PSORS1C1: variants seen among roughly 807,000 people sequenced by gnomAD.
PSORS1C1 encodes the protein psoriasis susceptibility 1 candidate 1, also known as psoriasis susceptibility 1 candidate gene 1 protein.
Under a neutral mutation model 9.4 loss-of-function variants are expected in PSORS1C1, and 7 were observed. The ratio of observed to expected loss-of-function variants is 0.75; its 90% CI spans 0.42 to 1.40. The LOEUF (loss-of-function observed/expected upper bound fraction) is 1.40, where lower values mean the gene tolerates loss of function less well. Among genes scored for constraint, PSORS1C1 ranks in the 40% most tolerant of loss-of-function variants. The probability of loss-of-function intolerance (pLI) is 0.01; values close to 1 mark genes in which losing one functional copy is unlikely to be tolerated. For missense variants in PSORS1C1, 146 were observed against 178.1 expected (o/e 0.82, Z 1.02); for synonymous variants, 63 against 69.4 (o/e 0.91, Z 0.46).
At chr6:31,133,009 G>A (rs1002242677) in intron 3 of PSORS1C1, among the ~76,000 whole-genome samples, 1 of 151,794 alleles carries the variant, frequency 6.6e-6, no homozygotes, top group African/African-American at 2.4e-5. Flanking sequence ...CGGGCTGGGG[G>A]AGTGGGAGGG....
At chr6:31,116,205 G>T (rs2150955907) in intron 1 of PSORS1C1, 1 of 1,613,738 alleles carries the variant, frequency 6.2e-7, no homozygotes, top group Non-Finnish European at 8.5e-7. Context: ...AGCCATCGGG[G>T]CCCCCAGTCA....
intron 3 of PSORS1C1, among the ~76,000 whole-genome samples, chr6:31,134,451 G>A (rs540026601): frequency 4.4e-4 from 67 of 151,172 alleles, no homozygotes; most frequent in African/African-American, 1.6e-3. Flanking sequence ...TACAGGCGCC[G>A]GCCACCATGC....
chr6:31,140,055 G>T lies in PSORS1C1; in HGVS notation c.*123G>T. The T allele has an allele frequency of 1.1e-6, 1 of 887,956 alleles. No homozygotes were observed. 55.0% of individuals were successfully genotyped at this position (887,956 alleles called of 1,614,324 possible). A position where few individuals can be genotyped will look rare whatever the true frequency, so the allele number is the denominator to read the frequency against. On this transcript the variant is annotated 3_prime_UTR_variant, in exon 6 of 6. Coordinates refer to ENST00000259881, the MANE Select transcript of PSORS1C1 (RefSeq NM_014068.3). The surrounding 1 kb of genome is among the most constrained non-coding windows in gnomAD (Gnocchi z 4.6). ...TTCCTCCCAGGTTGTTCCCTGCCTG[G>T]TCCGCTACCCCACAGTAAGGAACAC...
intron 3 of PSORS1C1, among the ~76,000 whole-genome samples, 170 bp downstream of exon 3, chr6:31,129,815 T>C (rs1772828959): frequency 6.6e-6 from 1 of 152,224 alleles, no homozygotes; most frequent in Non-Finnish European, 1.5e-5. Flanking sequence ...AATAAAGGCA[T>C]GGAAACCCAC....
At chr6:31,134,858 CCA>C (rs1447217330) in intron 3 of PSORS1C1, among the ~76,000 whole-genome samples, 1 of 151,926 alleles carries the variant, frequency 6.6e-6, no homozygotes, top group African/African-American at 2.4e-5. Context: ...ACTCTGTTGC[CCA>C]GACTGGAGTG....
chr6:31,134,546 T>C (rs919974127), intron 3 of PSORS1C1, among the ~76,000 whole-genome samples: 35 of 151,662 alleles, frequency 2.3e-4, no homozygotes, highest in Non-Finnish European at 4.4e-4. Flanking sequence ...ACCTCGTGAT[T>C]CGCCCGCCTT....
intron 3 of PSORS1C1, chr6:31,137,973 G>T (rs1405547167): frequency 1.3e-6 from 2 of 1,499,998 alleles, no homozygotes. Context: ...TTCCCGGGGT[G>T]GGTCTAGGTC....
intron 1 of PSORS1C1, chr6:31,118,925 C>G (rs1413181951): frequency 6.9e-6 from 1 of 145,036 alleles, no homozygotes; most frequent in Non-Finnish European, 1.5e-5. Context: ...TCACTGTAAC[C>G]TCTGCCTCCT....
chr6:31,123,659 C>A (rs1196771094), intron 1 of PSORS1C1, among the ~76,000 whole-genome samples: 1 of 152,228 alleles, frequency 6.6e-6, no homozygotes, highest in Non-Finnish European at 1.5e-5. Flanking sequence ...GTGGGGCTCC[C>A]AGCCATGTAT....
intron 3 of PSORS1C1, among the ~76,000 whole-genome samples, chr6:31,130,096 A>AT (rs1254796616): frequency 1.3e-5 from 2 of 151,706 alleles, no homozygotes; most frequent in Non-Finnish European, 2.9e-5. Flanking sequence ...TGTCTCAAAA[A>AT]ATAAAAAATT....
chr6:31,128,069 G>A lies in PSORS1C1; in HGVS notation c.-64-1500G>A, dbSNP rs1410053174. 6.6e-6 allele frequency among the ~76,000 whole-genome samples: 1 copy of A among 152,158 alleles called. No individual in the cohort carries two copies. The highest frequency in any genetic ancestry group is 1.5e-5 in the Non-Finnish European group (1 of 68,032). Reference sequence around the variant, plus strand: ...GGGAGAGAATGTGTAAATGATGATCGTGAGGTCCACTTGGACAGGCAGCCT... The same window carrying A: ...GGGAGAGAATGTGTAAATGATGATCATGAGGTCCACTTGGACAGGCAGCCT... On this transcript the variant is annotated intron_variant, in intron 2 of 5. Transcript: ENST00000259881. This position sits in a 1 kb window ranked among gnomAD's most constrained non-coding sequence, Gnocchi z 4.3.
intron 1 of PSORS1C1, among the ~76,000 whole-genome samples, chr6:31,121,173 T>TCG (rs143856169): frequency 1.5e-5 from 2 of 130,466 alleles, no homozygotes; most frequent in African/African-American, 2.7e-5. Flanking sequence ...GTGGCGGGGG[T>TCG]GGGGGGGTGC....
At position 31,132,530 on chromosome 6, in the gene PSORS1C1, G is replaced by GAATAAATA. The variant is rs9281220; in HGVS notation, c.13+2904_13+2911dup. Among the ~76,000 whole-genome samples the GAATAAATA allele has an allele frequency of 1.2e-3, 187 of 150,372 alleles. 2 individuals carry two copies. Among genetic ancestry groups the GAATAAATA allele is most frequent in the African/African-American group, 1.8e-3 (72 of 40,794 alleles). On this transcript the variant is annotated intron_variant, in intron 3 of 5. Coordinates refer to ENST00000259881, the MANE Select transcript of PSORS1C1 (RefSeq NM_014068.3). The stretch of plus-strand genomic sequence containing the variant: ...AGAGGGAGACTCCGTCTCAAAAATT[G>GAATAAATA]AATAAATAAATAAATAAATAAATAA...
At position 31,132,264 on chromosome 6, in the gene PSORS1C1, G is replaced by T. The variant is rs370094346; in HGVS notation, c.13+2619G>T. Among the ~76,000 whole-genome samples, 51 of 152,278 alleles carry T rather than the reference G, an allele frequency of 3.3e-4. No individual in the cohort carries two copies. In the East Asian group the frequency reaches 3.5e-3, roughly 10 times the overall value. On this transcript the variant is annotated intron_variant, in intron 3 of 5. Coordinates refer to ENST00000259881, the MANE Select transcript of PSORS1C1 (RefSeq NM_014068.3). The stretch of plus-strand genomic sequence containing the variant: ...AGGCCAGGCACAGTGGCTCATGCCT[G>T]TAATCTCGACACTTTGGGAGGCCAA...
chr6:31,131,850 A>G (rs1393701449), intron 3 of PSORS1C1, among the ~76,000 whole-genome samples: 2 of 152,274 alleles, frequency 1.3e-5, no homozygotes, highest in African/African-American at 4.8e-5. Context: ...CATGCGCAGT[A>G]GAAAGTAGTT....
At position 31,129,527 on chromosome 6, in the gene PSORS1C1, G is replaced by T. The variant is rs1388505322; in HGVS notation, c.-64-42G>T. On this transcript the variant is annotated intron_variant, in intron 2 of 5. Transcript: ENST00000259881. ...GTACTAAAATCTCCAATTGCCTCAT[G>T]CCTCCCCCTTCTCTTTCCCACTCAC... 3.2e-5 allele frequency: 24 copies of T among 760,550 alleles called. No homozygotes were observed. In the East Asian group the frequency reaches 5.6e-4, roughly 18 times the overall value. The allele number at this position is 760,550 out of a possible 1,614,324, so 47.1% of individuals were successfully genotyped here.
intron 3 of PSORS1C1, 148 bp downstream of exon 3, chr6:31,129,793 A>G: frequency 1.6e-6 from 1 of 638,080 alleles, no homozygotes; most frequent in Non-Finnish European, 2.8e-6. Context: ...AGAAGCTCAT[A>G]CTTTCCAAGG....
chr6:31,125,528 G>C (rs1562762665), intron 1 of PSORS1C1, 148 bp from the exon 2 acceptor site: 1 of 152,292 alleles, frequency 6.6e-6, no homozygotes, highest in Non-Finnish European at 1.5e-5. Context: ...TCCCCAATCA[G>C]GTGTTCCGAA....
intron 3 of PSORS1C1, 135 bp from the exon 4 acceptor site, chr6:31,138,295 T>A (rs1392416095): frequency 6.3e-7 from 1 of 1,592,052 alleles, no homozygotes; most frequent in Admixed American, 1.8e-5. Flanking sequence ...TGGCCCTCGC[T>A]GCCTGAGATG....
Sources: allele counts gnomAD v4.1 joint callset (sites outside exome capture counted in the v4.1 genomes callset), GRCh38; gene constraint gnomAD v4.1.1; non-coding constraint Gnocchi (gnomAD v3.1); transcripts MANE v1.5; gene names NCBI Gene and HGNC (gene_info 2026-07-23, HGNC 2026-07-21).